The following IL1RAPL2 variants were observed in gnomAD, a reference collection of about 807,000 sequenced individuals.
IL1RAPL2 encodes X-linked interleukin-1 receptor accessory protein-like 2.
Under a neutral mutation model 44.1 loss-of-function variants are expected in IL1RAPL2, and 3 were observed. That is an observed-to-expected ratio of 0.07 (90% confidence interval 0.03 to 0.18). The LOEUF (loss-of-function observed/expected upper bound fraction) is 0.18. Ranked by LOEUF, IL1RAPL2 falls within the 10% of genes least tolerant of loss-of-function variation. The pLI is 1.00. For missense variants in IL1RAPL2, 391 were observed against 496.4 expected (o/e 0.79, Z 2.02); for synonymous variants, 181 against 178.8 (o/e 1.01, Z -0.10).
At chrX:105,341,409 A>G (rs763027968) in intron 5 of IL1RAPL2, among the ~76,000 whole-genome samples, 2 of 110,191 alleles carry the variant, frequency 1.8e-5, no homozygotes, top group South Asian at 7.8e-4. Flanking sequence ...AATAAGCATG[A>G]TTGTTTACCT....
intron 1 of IL1RAPL2, among the ~76,000 whole-genome samples, chrX:104,594,740 A>G (rs952059686): frequency 9.0e-6 from 1 of 111,656 alleles, no homozygotes; most frequent in Non-Finnish European, 1.9e-5. Context: ...TAATTGAGGA[A>G]GGCCTCTCAG....
Position 104,652,054 on chromosome X carries a change from A to G in IL1RAPL2, c.-19-6841A>G, listed in dbSNP as rs139604880. 3.1e-4 allele frequency among the ~76,000 whole-genome samples: 35 copies of G among 112,259 alleles called. No homozygotes were observed. The East Asian group carries it at 6.2e-3, about 20-fold the overall frequency. ...AAGCAAATAAGCAGGTTGCCACTCA[A>G]TATTACTGGAACATACCAAAGGGTG... On this transcript the variant is annotated intron_variant, in intron 1 of 10. Coordinates refer to ENST00000372582, the MANE Select transcript of IL1RAPL2 (RefSeq NM_017416.2).
At chrX:105,468,713 G>A (rs941983362) in intron 5 of IL1RAPL2, among the ~76,000 whole-genome samples, 1 of 111,603 alleles carries the variant, frequency 9.0e-6, no homozygotes, top group African/African-American at 3.3e-5. Flanking sequence ...CTGTACTTCA[G>A]AAGTGTTCAT....
rs1191543374 is a variant in IL1RAPL2 at position 104,908,928 on chromosome X, C to G, written c.82+249933C>G. ...TGGGGAAGTTCTCCTGGATAATATC[C>G]TGCAGAGTGTTTTCCAACTTGGTTC... On this transcript the variant is annotated intron_variant, in intron 2 of 10. Transcript: ENST00000372582. Among the ~76,000 whole-genome samples, 3 of 110,987 alleles carry G rather than the reference C, an allele frequency of 2.7e-5. 1 individual carries two copies. The highest frequency in any genetic ancestry group is 9.9e-5 in the African/African-American group (3 of 30,437).
At position 104,613,127 on chromosome X, in the gene IL1RAPL2, G is replaced by C. The variant is rs1240123083; in HGVS notation, c.-19-45768G>C. ...ATTATATCATCCATGAAGGGAAATA[G>C]TTTGACACCTTCTTTTCCAAGCTGG... is the stretch of plus-strand genomic sequence containing the variant. On this transcript the variant is annotated intron_variant, in intron 1 of 10. Transcript: ENST00000372582. Among the ~76,000 whole-genome samples the C allele has an allele frequency of 3.6e-5, 4 of 112,072 alleles. No individual in the cohort carries two copies. The Admixed American group carries it at 3.8e-4, about 11-fold the overall frequency.
At chrX:104,909,601 G>T (rs920298657) in intron 2 of IL1RAPL2, among the ~76,000 whole-genome samples, 2 of 111,640 alleles carry the variant, frequency 1.8e-5, no homozygotes, top group Admixed American at 9.5e-5. Flanking sequence ...GAGTCCCCTT[G>T]CCGTGTGAGG....
intron 6 of IL1RAPL2, among the ~76,000 whole-genome samples, chrX:105,589,445 T>C (rs1197050351): frequency 1.8e-5 from 2 of 111,576 alleles, no homozygotes; most frequent in Middle Eastern, 4.6e-3. Flanking sequence ...CATGAAATTG[T>C]TGCCAGGGCC....
intron 2 of IL1RAPL2, among the ~76,000 whole-genome samples, chrX:105,103,259 A>G (rs1438080532): frequency 8.9e-6 from 1 of 111,785 alleles, no homozygotes; most frequent in Admixed American, 9.5e-5. Context: ...TAAAAACACA[A>G]CTGATGATTT....
intron 6 of IL1RAPL2, among the ~76,000 whole-genome samples, chrX:105,524,538 C>G (rs1255388604): frequency 9.1e-6 from 1 of 109,688 alleles, no homozygotes; most frequent in Non-Finnish European, 1.9e-5. Context: ...AACTTATTTA[C>G]TGCAAATACT....
At chrX:105,611,862 C>CT (rs943422943) in intron 6 of IL1RAPL2, among the ~76,000 whole-genome samples, 5 of 111,651 alleles carry the variant, frequency 4.5e-5, no homozygotes, top group African/African-American at 1.6e-4. Context: ...AGCAGCTTTT[C>CT]TTTTTTTATC....
intron 5 of IL1RAPL2, among the ~76,000 whole-genome samples, chrX:105,344,016 C>G (rs989935596): frequency 9.1e-6 from 1 of 110,388 alleles, no homozygotes; most frequent in Non-Finnish European, 1.9e-5. Context: ...TGCCTCAGCC[C>G]CCTGAATAGC....
At chrX:104,582,672 CTT>C (rs1928402214) in intron 1 of IL1RAPL2, among the ~76,000 whole-genome samples, 1 of 45,613 alleles carries the variant, frequency 2.2e-5, no homozygotes, top group Non-Finnish European at 4.3e-5. Context: ...TTTCTTTTTT[CTT>C]TCTCTTTCTT....
At chrX:105,390,526 A>G (rs2035513471) in intron 5 of IL1RAPL2, among the ~76,000 whole-genome samples, 1 of 111,496 alleles carries the variant, frequency 9.0e-6, no homozygotes. Context: ...TAAAATATGA[A>G]TGAGTATATA....
intron 5 of IL1RAPL2, among the ~76,000 whole-genome samples, chrX:105,464,976 G>A (rs1027455928): frequency 1.1e-4 from 12 of 111,650 alleles, no homozygotes; most frequent in Middle Eastern, 4.6e-3. Flanking sequence ...ACAGACATGG[G>A]GAGAATGTGT....
intron 2 of IL1RAPL2, among the ~76,000 whole-genome samples, chrX:104,809,197 G>T (rs186433634): frequency 9.0e-6 from 1 of 111,568 alleles, no homozygotes; most frequent in East Asian, 2.8e-4. Context: ...TCTCTGCTCC[G>T]CCTTCCCCTT....
intron 2 of IL1RAPL2, among the ~76,000 whole-genome samples, chrX:105,075,064 C>A (rs1324646056): frequency 1.2e-4 from 13 of 110,899 alleles, no homozygotes; most frequent in East Asian, 2.9e-4. Context: ...CCTGGCCAGA[C>A]CTTCCAACAC....
chrX:105,253,879 T>G lies in IL1RAPL2; in HGVS notation c.544-13509T>G, dbSNP rs767593453. On this transcript the variant is annotated intron_variant, in intron 4 of 10. Transcript: ENST00000372582. Reference sequence around the variant, plus strand: ...ATCCATGTTCCCATAAAAGACTTGATGTCATTCTTTTTTATGTCTGCATAG... The same window carrying G: ...ATCCATGTTCCCATAAAAGACTTGAGGTCATTCTTTTTTATGTCTGCATAG... 4.5e-5 allele frequency among the ~76,000 whole-genome samples: 5 copies of G among 111,988 alleles called. No individual in the cohort carries two copies. The East Asian group carries it at 1.4e-3, about 32-fold the overall frequency.
intron 2 of IL1RAPL2, among the ~76,000 whole-genome samples, chrX:104,766,748 A>G (rs1361001231): frequency 3.6e-5 from 4 of 112,462 alleles, no homozygotes. Flanking sequence ...CTCTGTGATG[A>G]TAACTACTGT....
intron 1 of IL1RAPL2, among the ~76,000 whole-genome samples, chrX:104,608,365 C>G (rs1929065813): frequency 9.0e-6 from 1 of 110,892 alleles, no homozygotes; most frequent in African/African-American, 3.3e-5. Context: ...TGGTCCAGAG[C>G]TGAGTTCAAG....
Sources: gnomAD v4.1 joint callset for allele counts (sites outside exome capture counted in the v4.1 genomes callset) on GRCh38, gnomAD v4.1.1 for gene constraint, MANE v1.5 for transcripts, NCBI Gene and HGNC (gene_info 2026-07-23, HGNC 2026-07-21) for gene names.